The following MAPRE1 variants were observed in gnomAD, a reference collection of about 807,000 sequenced individuals.
MAPRE1 encodes microtubule-associated protein RP/EB family member 1.
In MAPRE1, 5 loss-of-function variants were observed where a neutral mutation model predicts 32.1. The ratio of observed to expected loss-of-function variants is 0.16; its 90% CI spans 0.08 to 0.33. The LOEUF is 0.33. Among genes scored for constraint, MAPRE1 ranks in the 10% least tolerant of loss-of-function variants. The pLI, the probability that MAPRE1 is intolerant of heterozygous loss-of-function variation, is 1.00. For synonymous variants in MAPRE1, 122 were observed against 118.9 expected, an observed-to-expected ratio of 1.03 and a Z score of -0.17; for missense variants, 209 against 327.2, an observed-to-expected ratio of 0.64 and a Z score of 2.79.
intron 1 of MAPRE1, among the ~76,000 whole-genome samples, chr20:32,824,670 AAG>A (rs1982791816): frequency 6.6e-6 from 1 of 150,912 alleles, no homozygotes; most frequent in Non-Finnish European, 1.5e-5. Context: ...TCAATTATGA[AAG>A]AATTTATAGT....
Position 32,846,717 on chromosome 20 carries a change from G to A in MAPRE1, c.697G>A (p.Gly233Arg), listed in dbSNP as rs765746857. 1 of 1,614,050 alleles carries A rather than the reference G, an allele frequency of 6.2e-7. No homozygotes were observed. The highest frequency in any genetic ancestry group is 1.3e-5 in the African/African-American group (1 of 74,908). Residue 233 changes from glycine (G) to arginine (R), a missense_variant, in exon 6 of 7, where the codon GGG (glycine) becomes AGG (arginine). This residue lies in a region of MAPRE1 where 36 missense variants were observed against 71.9 expected (regional missense o/e 0.50). Transcript: ENST00000375571. ...NIELICQENE[G>R]ENDPVLQRIV... ...TGAATTGATTTGCCAGGAGAACGAGGGGGAAAACGACCCTGTATTGCAGAG... is the reference window on the plus strand; with the variant it reads ...TGAATTGATTTGCCAGGAGAACGAGAGGGAAAACGACCCTGTATTGCAGAG...
In MAPRE1 at chr20:32,849,425, T is replaced by G. The variant is rs557141589; in HGVS notation, c.*697T>G. The G allele has an allele frequency of 3.9e-5, 6 of 152,356 alleles. No individual in the cohort carries two copies. Among genetic ancestry groups the G allele is most frequent in the African/African-American group, 1.4e-4 (6 of 41,582 alleles). The allele number at this position is 152,356 out of a possible 1,614,324, so 9.4% of individuals were successfully genotyped here. A position where few individuals can be genotyped will look rare whatever the true frequency, so the allele number is the denominator to read the frequency against. On this transcript the variant is annotated 3_prime_UTR_variant, in exon 7 of 7. Coordinates refer to ENST00000375571, the MANE Select transcript of MAPRE1 (RefSeq NM_012325.3). ...GAGGATGTGTTTCAGCCCTGAGATG[T>G]TACAGTTGAAGAGCTTGGTTTTCAT... is the stretch of plus-strand genomic sequence containing the variant.
chr20:32,849,865 T>G lies in MAPRE1; in HGVS notation c.*1137T>G, dbSNP rs1317535717. 1 of 152,676 alleles carries G rather than the reference T, an allele frequency of 6.5e-6. No individual in the cohort carries two copies. The highest frequency in any genetic ancestry group is 2.4e-5 in the African/African-American group (1 of 41,462). 9.5% of individuals were successfully genotyped at this position (152,676 alleles called of 1,614,324 possible). A position where few individuals can be genotyped will look rare whatever the true frequency, so the allele number is the denominator to read the frequency against. ...TAATCCGAATACTTTGCCAGTGCAC[T>G]AATCTCTTTGGAGATAAAATTCATT... On this transcript the variant is annotated 3_prime_UTR_variant, in exon 7 of 7. Coordinates refer to ENST00000375571, the MANE Select transcript of MAPRE1 (RefSeq NM_012325.3).
intron 4 of MAPRE1, among the ~76,000 whole-genome samples, chr20:32,838,946 T>G (rs1296750103): frequency 2.6e-5 from 4 of 152,160 alleles, no homozygotes; most frequent in Non-Finnish European, 5.9e-5. Flanking sequence ...TACCTTGAGG[T>G]TTAGCCCATT....
intron 5 of MAPRE1, among the ~76,000 whole-genome samples, chr20:32,841,952 CATGGTCTTGATA>C (rs1983375567): frequency 6.6e-6 from 1 of 150,870 alleles, no homozygotes; most frequent in Admixed American, 6.6e-5. Flanking sequence ...GGTTCTTGTT[CATGGTCTTGATA>C]GAGTAGAATA....
intron 5 of MAPRE1, among the ~76,000 whole-genome samples, chr20:32,845,694 A>G (rs190033833): frequency 6.6e-6 from 1 of 152,248 alleles, no homozygotes; most frequent in Non-Finnish European, 1.5e-5. Flanking sequence ...TGTTGTCACA[A>G]CTGGCTTTTA....
intron 2 of MAPRE1, among the ~76,000 whole-genome samples, chr20:32,827,965 C>T (rs368670532): frequency 4.0e-5 from 6 of 150,664 alleles, no homozygotes; most frequent in East Asian, 3.9e-4. Flanking sequence ...CAGCTTCTGC[C>T]CTTCCTTATT....
chr20:32,846,509 G>T, intron 5 of MAPRE1, 109 bp from the exon 6 acceptor site: 2 of 1,004,612 alleles, frequency 2.0e-6, no homozygotes, highest in African/African-American at 3.2e-5. Context: ...GTTTTTGTCT[G>T]TGTTGGGGTT....
intron 3 of MAPRE1, among the ~76,000 whole-genome samples, chr20:32,835,981 A>G (rs1425502574): frequency 6.6e-6 from 1 of 151,680 alleles, no homozygotes; most frequent in African/African-American, 2.4e-5. Context: ...CCCTTTTCTT[A>G]AATGGGGTCT....
At position 32,839,785 on chromosome 20, in the gene MAPRE1, G is replaced by T; in HGVS notation, c.526G>T (p.Gly176Cys). 6.2e-7 allele frequency: 1 copy of T among 1,614,224 alleles called. No homozygotes were observed. Among genetic ancestry groups the T allele is most frequent in the Non-Finnish European group, 8.5e-7 (1 of 1,180,046 alleles). The stretch of plus-strand genomic sequence containing the variant: ...GAGAACCGCTGCGGCTCCTAAGGCT[G>T]GCCCTGGTGTGGTGCGAAAGAACCC... ...TQRTAAAPKA[G>C]PGVVRKNPGV... The change falls in exon 5 of 7, where the codon GGC (glycine) becomes TGC (cysteine). Residue 176 changes from glycine to cysteine, a missense_variant. By Grantham distance (159) the Gly-to-Cys change is radical (BLOSUM62 -3). Transcript: ENST00000375571.
chr20:32,822,458 A>G (rs1360318977), intron 1 of MAPRE1, among the ~76,000 whole-genome samples: 1 of 152,200 alleles, frequency 6.6e-6, no homozygotes, highest in African/African-American at 2.4e-5. Flanking sequence ...AGACTGTTGC[A>G]GTGCATCTCC....
At position 32,836,731 on chromosome 20, in the gene MAPRE1, A is replaced by G. The variant is rs1983211447; in HGVS notation, c.365A>G (p.Lys122Arg). ...TTTTTCGATGCAAACTATGATGGAA[A>G]AGACTATGACCCTGTGGCTGCCAGA... ...KKFFDANYDGKDYDPVAARQG... is the reference protein window; with the variant it reads ...KKFFDANYDGRDYDPVAARQG... Residue 122 changes from lysine to arginine, a missense_variant, in exon 4 of 7, where the codon AAA (lysine) becomes AGA (arginine). Physicochemically the swap from Lys to Arg is conservative, Grantham distance 26. This residue lies in a region of MAPRE1 where 106 missense variants were observed against 115.3 expected (regional missense o/e 0.92). Coordinates refer to ENST00000375571, the MANE Select transcript of MAPRE1 (RefSeq NM_012325.3). 10 of 1,613,890 alleles carry G rather than the reference A, an allele frequency of 6.2e-6. No homozygotes were observed. The highest frequency in any genetic ancestry group is 8.5e-6 in the Non-Finnish European group (10 of 1,179,882).
At chr20:32,845,029 ATGT>A (rs1568883593) in intron 5 of MAPRE1, among the ~76,000 whole-genome samples, 3 of 147,794 alleles carry the variant, frequency 2.0e-5, no homozygotes, top group African/African-American at 7.7e-5. Flanking sequence ...GTATGTATGT[ATGT>A]ATGAATGAAT....
intron 6 of MAPRE1, among the ~76,000 whole-genome samples, chr20:32,848,354 G>A (rs1273680922): frequency 6.6e-6 from 1 of 152,060 alleles, no homozygotes; most frequent in African/African-American, 2.4e-5. Context: ...TTAAAAAACA[G>A]TTTTATTGAA....
At chr20:32,833,914 T>C in intron 3 of MAPRE1, 52 bp downstream of exon 3, 2 of 1,496,436 alleles carry the variant, frequency 1.3e-6, no homozygotes, top group Non-Finnish European at 1.8e-6. Context: ...TGATCGTTAC[T>C]AAGGAGGTAG....
intron 5 of MAPRE1, among the ~76,000 whole-genome samples, chr20:32,841,357 A>G (rs1983354472): frequency 6.6e-6 from 1 of 152,136 alleles, no homozygotes; most frequent in Non-Finnish European, 1.5e-5. Context: ...GAGAGAGTAA[A>G]GAGTGGTTAA....
intron 1 of MAPRE1, among the ~76,000 whole-genome samples, 157 bp from the exon 2 acceptor site, chr20:32,825,768 C>T (rs543954819): frequency 1.3e-5 from 2 of 151,850 alleles, no homozygotes; most frequent in African/African-American, 4.8e-5. Context: ...CCAGCCTGGG[C>T]GACAGAGTGA....
chr20:32,826,214 C>CTT (rs3092521), intron 2 of MAPRE1, among the ~76,000 whole-genome samples, 166 bp downstream of exon 2: 127 of 108,912 alleles, frequency 1.2e-3, no homozygotes, highest in Non-Finnish European at 1.8e-3. Flanking sequence ...TCCAAAGGAA[C>CTT]TTTTTTTTTT....
At chr20:32,824,453 T>C (rs922148739) in intron 1 of MAPRE1, among the ~76,000 whole-genome samples, 2 of 152,236 alleles carry the variant, frequency 1.3e-5, no homozygotes, top group Admixed American at 6.5e-5. Flanking sequence ...TGTCCTCACC[T>C]GTAAAATGAG....
Sources: gnomAD v4.1 joint callset for allele counts (sites outside exome capture counted in the v4.1 genomes callset) on GRCh38, gnomAD v4.1.1 for gene constraint, gnomAD v4.1.1 regional missense constraint, MANE v1.5 for transcripts, NCBI Gene and HGNC (gene_info 2026-07-23, HGNC 2026-07-21) for gene names.